The following ZP2 variants were observed in gnomAD, a reference collection of about 807,000 sequenced individuals.
ZP2 encodes the protein zona pellucida sperm-binding protein 2.
In ZP2, 51 loss-of-function variants were observed where a neutral mutation model predicts 84.0. The observed-to-expected ratio is 0.61, with a 90% confidence interval of 0.49 to 0.77. The LOEUF (loss-of-function observed/expected upper bound fraction) is 0.77, where lower values mean the gene tolerates loss of function less well. Ranked by LOEUF, ZP2 falls within the 30% of genes least tolerant of loss-of-function variation. The pLI is 0.00. For missense variants in ZP2, 909 were observed against 911.9 expected (o/e 1.00, Z 0.04); for synonymous variants, 375 against 330.9 (o/e 1.13, Z -1.45).
intron 7 of ZP2, among the ~76,000 whole-genome samples, chr16:21,204,768 C>G (rs944092582): frequency 1.3e-5 from 2 of 152,146 alleles, no homozygotes; most frequent in Non-Finnish European, 2.9e-5. Flanking sequence ...CATTTGAGCA[C>G]TTACATCTCA....
chr16:21,203,287 C>T (rs767495145), intron 9 of ZP2, 36 bp from the exon 10 acceptor site: 14 of 1,608,394 alleles, frequency 8.7e-6, no homozygotes, highest in East Asian at 6.7e-5. Flanking sequence ...AGCCACAGTC[C>T]GTTGGGGCCC....
chr16:21,207,758 A>G (rs1001461454), intron 4 of ZP2, among the ~76,000 whole-genome samples: 1 of 152,030 alleles, frequency 6.6e-6, no homozygotes, highest in Non-Finnish European at 1.5e-5. Context: ...ACTGAGACAT[A>G]GGGTAGGGGA....
At position 21,203,960 on chromosome 16, in the gene ZP2, G is replaced by A. The variant is rs548443166; in HGVS notation, c.972+70C>T. 42 of 1,564,318 alleles carry A rather than the reference G, an allele frequency of 2.7e-5. No homozygotes were observed. In the African/African-American group the frequency reaches 5.0e-4, roughly 19 times the overall value. On this transcript the variant is annotated intron_variant, in intron 9 of 18. Coordinates refer to ENST00000574091, the MANE Select transcript of ZP2 (RefSeq NM_001376232.1). ...CTCACGGGCAAGTTATCAGCCGTAT[G>A]AGGACTACCCACAAGAGTATACTTC...
Position 21,211,178 on chromosome 16 carries a change from C to A in ZP2, c.151+129G>T, listed in dbSNP as rs1235224308. 3 of 791,068 alleles carry A rather than the reference C, an allele frequency of 3.8e-6. No homozygotes were observed. The Admixed American group carries it at 6.7e-5, about 18-fold the overall frequency. The allele number at this position is 791,068 out of a possible 1,614,324, so 49.0% of individuals were successfully genotyped here. ...GGTTAGCAGAAGAAAGATCCAGTAA[C>A]CTGACCAAGGTAATAAAGGGGGTGA... On this transcript the variant is annotated intron_variant, in intron 2 of 18. Coordinates refer to ENST00000574091, the MANE Select transcript of ZP2 (RefSeq NM_001376232.1).
At chr16:21,198,263 C>A (rs982963045) in intron 17 of ZP2, among the ~76,000 whole-genome samples, 4 of 151,952 alleles carry the variant, frequency 2.6e-5, no homozygotes, top group Admixed American at 2.0e-4. Context: ...GGCACAGTGG[C>A]AGGTGCCTGT....
chr16:21,199,441 G>T, intron 16 of ZP2, 129 bp downstream of exon 16: 16 of 726,880 alleles, frequency 2.2e-5, no homozygotes, highest in Non-Finnish European at 2.9e-5. Context: ...ACCAAGTTTT[G>T]ACTGGGCCAA....
upstream of ZP2, chr16:21,214,309 T>C (rs2093284277): frequency 3.0e-6 from 3 of 984,976 alleles, no homozygotes; most frequent in Non-Finnish European, 3.6e-6. Flanking sequence ...AGGATTCTGC[T>C]CCGGAAAAGC....
Position 21,203,136 on chromosome 16 carries a change from G to A in ZP2, c.1088C>T (p.Pro363Leu). The A allele has an allele frequency of 5.0e-6, 8 of 1,613,398 alleles. No individual in the cohort carries two copies. The highest frequency in any genetic ancestry group is 6.8e-6 in the Non-Finnish European group (8 of 1,179,720). ...VIYPECLCES[P>L]VSIVTGELCT... is the part of the protein sequence containing the mutation. ...TAAAAGGTCTTTACCTATAGAAACG[G>A]GTGACTCACAGAGACACTCAGGATA... The change falls in exon 10 of 19, where the codon CCC becomes CTC. Residue 363 changes from proline to leucine, a missense_variant. By Grantham distance (98) the Pro-to-Leu change is moderately conservative. Coordinates refer to ENST00000574091, the MANE Select transcript of ZP2 (RefSeq NM_001376232.1).
intron 5 of ZP2, 73 bp from the exon 6 acceptor site, chr16:21,205,848 T>C: frequency 6.6e-7 from 1 of 1,517,054 alleles, no homozygotes; most frequent in Non-Finnish European, 9.1e-7. Flanking sequence ...CAGAAATTGC[T>C]GTGTGGTTGT....
intron 9 of ZP2, 32 bp downstream of exon 9, chr16:21,203,998 G>C (rs1463797874): frequency 6.2e-7 from 1 of 1,606,836 alleles, no homozygotes; most frequent in East Asian, 2.2e-5. Context: ...GTCAGGACCC[G>C]GTGGAGTTCA....
Position 21,211,476 on chromosome 16 carries a change from A to T in ZP2, c.62+10T>A. 1 of 1,614,046 alleles carries T rather than the reference A, an allele frequency of 6.2e-7. No individual in the cohort carries two copies. The highest frequency in any genetic ancestry group is 8.5e-7 in the Non-Finnish European group (1 of 1,179,954). On this transcript the variant is annotated intron_variant, in intron 1 of 18. Transcript: ENST00000574091. ...CCATACCCCCTCCCTCCACTTCCAG[A>T]ATTACTCACCTCCAGCCTGCATTGA...
chr16:21,210,506 C>CA (rs1476928109), intron 2 of ZP2, among the ~76,000 whole-genome samples: 1 of 152,146 alleles, frequency 6.6e-6, no homozygotes, highest in Admixed American at 6.5e-5. Context: ...GAAAAACTGA[C>CA]AAAAGCTTTG....
chr16:21,214,317 AG>A (rs1280720852), upstream of ZP2: 7 of 984,444 alleles, frequency 7.1e-6, no homozygotes, highest in Admixed American at 3.7e-4. Flanking sequence ...GCTCCGGAAA[AG>A]CAGGAAGCTA....
rs1400089633 is a variant in ZP2, at chr16:21,201,412, T to C, written c.1651A>G (p.Met551Val). The change falls in exon 14 of 19, where the codon ATG becomes GTG. Residue 551 changes from methionine to valine, a missense_variant. Coordinates refer to ENST00000574091, the MANE Select transcript of ZP2 (RefSeq NM_001376232.1). ...VLDDCWATST[M>V]DPDSFPQWNV... ...CACTGGGGGAAAGAGTCTGGATCCA[T>C]GGTGGACGTCGCCCAGCAGTCATCT... 1.2e-6 allele frequency: 2 copies of C among 1,606,326 alleles called. No individual in the cohort carries two copies. The highest frequency in any genetic ancestry group is 1.7e-6 in the Non-Finnish European group (2 of 1,175,598).
upstream of ZP2, among the ~76,000 whole-genome samples, chr16:21,213,765 A>G (rs2093282738): frequency 6.6e-6 from 1 of 152,210 alleles, no homozygotes; most frequent in Non-Finnish European, 1.5e-5. Context: ...TTGGGGATAG[A>G]GATGGTAAAA....
Position 21,209,676 on chromosome 16 carries a change from T to C in ZP2, c.285A>G (p.Glu95=). ...CATAGGTAGCCCTCAGGGTGAGCTT[T>C]TCTGGGTCCAGGATGTAAGTGCAGT... ...MPNCTYILDP[E]KLTLRATYDN... Residue 95 remains glutamate, a synonymous_variant, in exon 4 of 19, where the codon GAA becomes GAG. Transcript: ENST00000574091. The C allele has an allele frequency of 6.2e-7, 1 of 1,614,162 alleles. No homozygotes were observed.
chr16:21,198,718 C>G, intron 17 of ZP2, 61 bp downstream of exon 17: 1 of 1,433,578 alleles, frequency 7.0e-7, no homozygotes. Flanking sequence ...AAGCACTGAC[C>G]GCTTGGCATA....
intron 17 of ZP2, 95 bp from the exon 18 acceptor site, chr16:21,197,944 G>A: frequency 1.7e-6 from 2 of 1,185,496 alleles, no homozygotes; most frequent in Non-Finnish European, 2.5e-6. Flanking sequence ...TGTTCATTAA[G>A]GCTATCTCAG....
At chr16:21,205,692 A>G (rs777562353) in intron 6 of ZP2, 39 bp downstream of exon 6, 1 of 1,613,832 alleles carries the variant, frequency 6.2e-7, no homozygotes, top group Admixed American at 1.7e-5. Context: ...CATAGAATTA[A>G]AGGTTATTAA....
Sources: gnomAD v4.1 joint callset for allele counts (sites outside exome capture counted in the v4.1 genomes callset) on GRCh38, gnomAD v4.1.1 for gene constraint, MANE v1.5 for transcripts, NCBI Gene and HGNC (gene_info 2026-07-23, HGNC 2026-07-21) for gene names.